Variants in BTBD9 observed in about 807,000 individuals in gnomAD.
The protein encoded by BTBD9 is BTB/POZ domain-containing protein 9.
Under a neutral mutation model 64.3 loss-of-function variants are expected in BTBD9, and 49 were observed. The ratio of observed to expected loss-of-function variants is 0.76; its 90% CI spans 0.61 to 0.97. BTBD9 has a LOEUF of 0.97. Among genes scored for constraint, BTBD9 ranks in the 50% least tolerant of loss-of-function variants. BTBD9 has a pLI of 0.00. For missense variants in BTBD9, 598 were observed against 762.1 expected, an observed-to-expected ratio of 0.78 and a Z score of 2.53; for synonymous variants, 260 against 274.7, an observed-to-expected ratio of 0.95 and a Z score of 0.53.
Position 38,583,582 on chromosome 6 carries a change from C to T in BTBD9, c.815-3145G>A, listed in dbSNP as rs182698076. On this transcript the variant is annotated intron_variant, in intron 4 of 10. Transcript: ENST00000481247. ...GAATCTAATGCCACTTTTGGATTTT[C>T]TCTAAACATAAGTTTCTTCAACACT... Among the ~76,000 whole-genome samples the T allele has an allele frequency of 5.3e-5, 8 of 152,318 alleles. No homozygotes were observed. The East Asian group carries it at 1.5e-3, about 29-fold the overall frequency.
At chr6:38,318,324 T>C (rs1394688439) in intron 7 of BTBD9, among the ~76,000 whole-genome samples, 1 of 152,220 alleles carries the variant, frequency 6.6e-6, no homozygotes, top group Admixed American at 6.5e-5. Context: ...TTGGAGATAT[T>C]TGTCAATGTC....
chr6:38,244,180 T>C (rs1219300510), intron 9 of BTBD9, among the ~76,000 whole-genome samples: 1 of 152,210 alleles, frequency 6.6e-6, no homozygotes, highest in Non-Finnish European at 1.5e-5. Flanking sequence ...CTGCTCAGTT[T>C]GCTTACCTAC....
At chr6:38,355,293 C>T (rs998383092) in intron 6 of BTBD9, among the ~76,000 whole-genome samples, 3 of 152,134 alleles carry the variant, frequency 2.0e-5, no homozygotes, top group Non-Finnish European at 4.4e-5. Flanking sequence ...AGACATTTCC[C>T]CAGATGTACA....
chr6:38,183,410 G>C (rs56341927), intron 10 of BTBD9, among the ~76,000 whole-genome samples: 3,920 of 152,338 alleles, frequency 0.026, 63 homozygotes, highest in Middle Eastern at 0.041. Flanking sequence ...GAGGCAGGGA[G>C]GTAAAATGAC....
chr6:38,579,304 G>A (rs1471720900), intron 5 of BTBD9, among the ~76,000 whole-genome samples: 1 of 152,196 alleles, frequency 6.6e-6, no homozygotes, highest in African/African-American at 2.4e-5. Flanking sequence ...TGTAAGGTTT[G>A]CAGGGCATCA....
chr6:38,374,237 C>G (rs1389630627), intron 6 of BTBD9, among the ~76,000 whole-genome samples: 1 of 130,312 alleles, frequency 7.7e-6, no homozygotes, highest in African/African-American at 3.0e-5. Flanking sequence ...CCACCGTACT[C>G]CAGCCTGGGC....
At chr6:38,540,427 T>C (rs975227410) in intron 6 of BTBD9, among the ~76,000 whole-genome samples, 2 of 152,238 alleles carry the variant, frequency 1.3e-5, no homozygotes, top group African/African-American at 4.8e-5. Flanking sequence ...ATAAACTTTA[T>C]TGTATTACAA....
intron 2 of BTBD9, chr6:38,595,811 G>A (rs1463197085): frequency 1.0e-6 from 1 of 984,994 alleles, no homozygotes; most frequent in Admixed American, 6.2e-5. Context: ...ACCCCTGAAG[G>A]TTTCCATTAA....
intron 1 of BTBD9, among the ~76,000 whole-genome samples, chr6:38,621,747 A>G (rs1777990158): frequency 6.6e-6 from 1 of 152,236 alleles, no homozygotes. Context: ...ATGCTGTACA[A>G]AAACCCAAGG....
chr6:38,586,285 A>G (rs1776517560), intron 4 of BTBD9, among the ~76,000 whole-genome samples: 1 of 152,200 alleles, frequency 6.6e-6, no homozygotes, highest in African/African-American at 2.4e-5. Context: ...AAAATTCATT[A>G]AAAAGTTAAT....
intron 7 of BTBD9, among the ~76,000 whole-genome samples, chr6:38,327,236 T>G (rs551365008): frequency 3.5e-4 from 54 of 152,252 alleles, no homozygotes; most frequent in African/African-American, 1.2e-3. Context: ...CTTCACAATA[T>G]TAACGAGCCA....
Position 38,570,671 on chromosome 6 carries a change from A to T in BTBD9, c.1154+6929T>A, listed in dbSNP as rs549655053. On this transcript the variant is annotated intron_variant, in intron 6 of 10. Coordinates refer to ENST00000481247, the MANE Select transcript of BTBD9 (RefSeq NM_001099272.2). ...TCAAAATTCCAAAGGAAGGTTAAAA[A>T]ATATATATATTTGCATGAAACTGAA... Among the ~76,000 whole-genome samples, 5 of 152,302 alleles carry T rather than the reference A, an allele frequency of 3.3e-5. No individual in the cohort carries two copies. In the South Asian group the frequency reaches 6.2e-4, roughly 19 times the overall value.
rs750372866 is a variant in BTBD9 at position 38,577,625 on chromosome 6, A to C, written c.1129T>G (p.Leu377Val). 1.2e-5 allele frequency: 20 copies of C among 1,609,646 alleles called. No individual in the cohort carries two copies. Among genetic ancestry groups the C allele is most frequent in the Non-Finnish European group, 1.7e-5 (20 of 1,179,582 alleles). The change falls in exon 6 of 11, where the codon TTA becomes GTA. Residue 377 changes from leucine (L) to valine (V), a missense_variant. Transcript: ENST00000481247. ...SQYLCRSWQKLYFPARVCRYI... is the reference protein window; with the variant it reads ...SQYLCRSWQKVYFPARVCRYI... The stretch of plus-strand genomic sequence containing the variant: ...CTGCAGACACGGGCTGGAAAATATA[A>C]TTTCTGCCAAGAACGACACAGATAT...
chr6:38,247,444 AG>A (rs1206988086), intron 9 of BTBD9, among the ~76,000 whole-genome samples: 1 of 152,252 alleles, frequency 6.6e-6, no homozygotes. Flanking sequence ...GCTGAAGACC[AG>A]GCAGCAGATG....
rs1442715038 is a variant in BTBD9, at chr6:38,184,517, C to T, written c.1641+8002G>A. Among the ~76,000 whole-genome samples the T allele has an allele frequency of 6.6e-6, 1 of 152,064 alleles. No individual in the cohort carries two copies. Among genetic ancestry groups the T allele is most frequent in the East Asian group, 1.9e-4 (1 of 5,160 alleles). Reference sequence around the variant, plus strand: ...ACTGGTGCTCTCTGCAGACCAGGAGCTTTTGCAAGGAGAGGGCTGCCTCTC... The same window carrying T: ...ACTGGTGCTCTCTGCAGACCAGGAGTTTTTGCAAGGAGAGGGCTGCCTCTC... On this transcript the variant is annotated intron_variant, in intron 10 of 10. Transcript: ENST00000481247. The surrounding 1 kb of genome is among the most constrained non-coding windows in gnomAD (Gnocchi z 4.4).
At chr6:38,569,018 G>A (rs1206300335) in intron 6 of BTBD9, among the ~76,000 whole-genome samples, 1 of 152,182 alleles carries the variant, frequency 6.6e-6, no homozygotes, top group Non-Finnish European at 1.5e-5. Context: ...CGGGTGGGTA[G>A]ATGGTAAACA....
chr6:38,428,274 A>G (rs1158000850), intron 6 of BTBD9, among the ~76,000 whole-genome samples: 1 of 151,914 alleles, frequency 6.6e-6, no homozygotes, highest in Non-Finnish European at 1.5e-5. Flanking sequence ...CTTGAAAGGA[A>G]AAGCAGCATT....
chr6:38,252,123 CAG>C (rs1764423606), intron 9 of BTBD9, among the ~76,000 whole-genome samples: 1 of 152,110 alleles, frequency 6.6e-6, no homozygotes, highest in Non-Finnish European at 1.5e-5. Context: ...ACTCCTGGAG[CAG>C]AGAGACTAAC....
At chr6:38,496,527 T>C (rs1346948099) in intron 6 of BTBD9, among the ~76,000 whole-genome samples, 1 of 151,780 alleles carries the variant, frequency 6.6e-6, no homozygotes, top group Non-Finnish European at 1.5e-5. Context: ...CACACACATG[T>C]AGTCCCAACC....
Sources: gnomAD v4.1 joint callset for allele counts (sites outside exome capture counted in the v4.1 genomes callset) on GRCh38, gnomAD v4.1.1 for gene constraint, Gnocchi (gnomAD v3.1) non-coding constraint, MANE v1.5 for transcripts, NCBI Gene and HGNC (gene_info 2026-07-23, HGNC 2026-07-21) for gene names.